Variants in ADAM23 observed in about 807,000 individuals in gnomAD.
ADAM23 encodes the protein ADAM metallopeptidase domain 23.
A neutral mutation model predicts 120.1 loss-of-function variants in ADAM23; 33 were observed. That is an observed-to-expected ratio of 0.27 (90% CI 0.21 to 0.37). The LOEUF is 0.37. Ranked by LOEUF, ADAM23 falls within the 10% of genes least tolerant of loss-of-function variation. ADAM23 has a pLI of 1.00. For synonymous variants in ADAM23, 367 were observed against 375.2 expected (o/e 0.98, Z 0.25); for missense variants, 862 against 1,058.2 (o/e 0.81, Z 2.57).
chr2:206,614,052 A>G lies in ADAM23; in HGVS notation c.2451-3527A>G, dbSNP rs558527729. On this transcript the variant is annotated intron_variant, in intron 25 of 25. Coordinates refer to ENST00000264377, the MANE Select transcript of ADAM23 (RefSeq NM_003812.4). Reference sequence around the variant, plus strand: ...CCTCAGTCTGTAGAACCTCATCACCACGTCTTACTCTCCCGCTACTTGCCC... The same window carrying G: ...CCTCAGTCTGTAGAACCTCATCACCGCGTCTTACTCTCCCGCTACTTGCCC... Among the ~76,000 whole-genome samples the G allele has an allele frequency of 3.3e-5, 5 of 152,324 alleles. No homozygotes were observed. In the East Asian group the frequency reaches 9.7e-4, roughly 29 times the overall value.
At chr2:206,557,642 G>A (rs925446891) in intron 10 of ADAM23, 144 bp downstream of exon 10, 11 of 744,254 alleles carry the variant, frequency 1.5e-5, no homozygotes, top group South Asian at 8.1e-5. Context: ...AGGATGGTCC[G>A]CTTCACAGAG....
chr2:206,498,877 G>T (rs1696318132), intron 3 of ADAM23, among the ~76,000 whole-genome samples: 1 of 152,176 alleles, frequency 6.6e-6, no homozygotes, highest in South Asian at 2.1e-4. Flanking sequence ...TATTTATGCA[G>T]CCAAAAAAAC....
chr2:206,495,077 A>G (rs1245134559), intron 3 of ADAM23, among the ~76,000 whole-genome samples: 1 of 152,264 alleles, frequency 6.6e-6, no homozygotes, highest in Non-Finnish European at 1.5e-5. Flanking sequence ...AACACTCTGC[A>G]GGATATTATC....
chr2:206,478,845 A>G (rs1392351471), intron 2 of ADAM23, among the ~76,000 whole-genome samples: 1 of 152,188 alleles, frequency 6.6e-6, no homozygotes, highest in Non-Finnish European at 1.5e-5. Flanking sequence ...TTTCTCTGAC[A>G]CGTGGATTCT....
chr2:206,505,515 G>C (rs1382819670), intron 3 of ADAM23, among the ~76,000 whole-genome samples: 1 of 152,182 alleles, frequency 6.6e-6, no homozygotes, highest in Non-Finnish European at 1.5e-5. Flanking sequence ...GAAACTTACA[G>C]TCATAGCGGA....
At chr2:206,494,990 G>A (rs531255414) in intron 3 of ADAM23, among the ~76,000 whole-genome samples, 7 of 152,290 alleles carry the variant, frequency 4.6e-5, no homozygotes, top group Non-Finnish European at 7.3e-5. Context: ...CAAGAAATAT[G>A]GGACTATGTG....
At chr2:206,594,026 A>G (rs1301828857) in intron 22 of ADAM23, among the ~76,000 whole-genome samples, 2 of 151,662 alleles carry the variant, frequency 1.3e-5, no homozygotes, top group African/African-American at 4.8e-5. Context: ...CCATTGTGTT[A>G]TAATTGCCCA....
rs1404946791 is a variant in ADAM23, at chr2:206,592,606, C to T, written c.1959-11C>T. 4 of 1,600,004 alleles carry T rather than the reference C, an allele frequency of 2.5e-6. No homozygotes were observed. The highest frequency in any genetic ancestry group is 2.6e-6 in the Non-Finnish European group (3 of 1,172,658). On this transcript the variant is annotated splice_polypyrimidine_tract_variant and intron_variant, in intron 21 of 25. Coordinates refer to ENST00000264377, the MANE Select transcript of ADAM23 (RefSeq NM_003812.4). ...CTGTCTGGTCTGTTTGTTTTCTTTA[C>T]ACATGTTCAGTGATGTGTTCTGTGG...
chr2:206,528,936 A>G (rs1226007397), intron 3 of ADAM23, among the ~76,000 whole-genome samples: 1 of 152,172 alleles, frequency 6.6e-6, no homozygotes, highest in Non-Finnish European at 1.5e-5. Context: ...CCTGTGCCAT[A>G]GTAAGTGGTC....
At chr2:206,548,998 G>C (rs765663167) in intron 8 of ADAM23, among the ~76,000 whole-genome samples, 7 of 151,944 alleles carry the variant, frequency 4.6e-5, no homozygotes, top group Non-Finnish European at 8.8e-5. Flanking sequence ...TTTCATAATA[G>C]GCTAGAAAGC....
intron 11 of ADAM23, among the ~76,000 whole-genome samples, 161 bp downstream of exon 11, chr2:206,560,279 A>G (rs559794812): frequency 6.6e-6 from 1 of 152,050 alleles, no homozygotes; most frequent in East Asian, 1.9e-4. Context: ...AGGATATCCC[A>G]TGCTGGGATG....
chr2:206,585,958 A>T (rs1322767361), intron 18 of ADAM23, among the ~76,000 whole-genome samples: 1 of 152,262 alleles, frequency 6.6e-6, no homozygotes, highest in Non-Finnish European at 1.5e-5. Context: ...TTTGAAGAGC[A>T]TAGGTTCTAT....
chr2:206,470,105 G>A (rs1237191352), intron 2 of ADAM23, among the ~76,000 whole-genome samples: 1 of 152,002 alleles, frequency 6.6e-6, no homozygotes, highest in East Asian at 1.9e-4. Flanking sequence ...TGTAAACCCT[G>A]GAAGGCCAGG....
intron 17 of ADAM23, among the ~76,000 whole-genome samples, chr2:206,572,667 T>C (rs1371594123): frequency 6.6e-6 from 1 of 152,218 alleles, no homozygotes; most frequent in Non-Finnish European, 1.5e-5. Flanking sequence ...CGTATGAATT[T>C]ATTAAAATTT....
rs1189942324 is a variant in ADAM23 at position 206,481,311 on chromosome 2, G to A, written c.509+3G>A. 5 of 1,596,598 alleles carry A rather than the reference G, an allele frequency of 3.1e-6. No homozygotes were observed. In the East Asian group the frequency reaches 1.1e-4, roughly 36 times the overall value. ...ATTCTTGACCTCATACTGAACAAGT[G>A]AGTATTTAGACATAATCTTCTTAAG... On this transcript the variant is annotated splice_donor_region_variant and intron_variant, in intron 3 of 25. Coordinates refer to ENST00000264377, the MANE Select transcript of ADAM23 (RefSeq NM_003812.4).
intron 18 of ADAM23, among the ~76,000 whole-genome samples, chr2:206,574,822 T>C (rs942745076): frequency 6.6e-6 from 1 of 152,216 alleles, no homozygotes; most frequent in African/African-American, 2.4e-5. Flanking sequence ...AATTCCTTCT[T>C]TACATAATGT....
intron 24 of ADAM23, among the ~76,000 whole-genome samples, chr2:206,596,802 A>G (rs567576378): frequency 5.3e-5 from 8 of 151,916 alleles, no homozygotes; most frequent in East Asian, 3.9e-4. Context: ...GTCACTTACT[A>G]TAGTCACCCA....
intron 2 of ADAM23, among the ~76,000 whole-genome samples, chr2:206,459,299 TG>T (rs1695364659): frequency 6.6e-6 from 1 of 152,248 alleles, no homozygotes; most frequent in East Asian, 1.9e-4. Context: ...AAACAGTTTT[TG>T]GAAATGGTTA....
intron 24 of ADAM23, among the ~76,000 whole-genome samples, chr2:206,596,588 T>G (rs749006750): frequency 1.3e-5 from 2 of 152,224 alleles, no homozygotes; most frequent in Non-Finnish European, 2.9e-5. Flanking sequence ...ACAAGCTCTT[T>G]TTGAACATTC....
Sources: allele counts gnomAD v4.1 joint callset (sites outside exome capture counted in the v4.1 genomes callset), GRCh38; gene constraint gnomAD v4.1.1; transcripts MANE v1.5; gene names NCBI Gene and HGNC (gene_info 2026-07-23, HGNC 2026-07-21).